RIMS1: variants seen among roughly 807,000 people sequenced by gnomAD.
The protein encoded by RIMS1 is regulating synaptic membrane exocytosis 1.
In RIMS1, 83 loss-of-function variants were observed where a neutral mutation model predicts 214.1. The ratio of observed to expected loss-of-function variants is 0.39; its 90% confidence interval spans 0.32 to 0.47. The LOEUF (loss-of-function observed/expected upper bound fraction) is 0.47. Ranked by LOEUF, RIMS1 falls within the 20% of genes least tolerant of loss-of-function variation. The pLI is 0.99. For synonymous variants in RIMS1, 793 were observed against 786.8 expected (o/e 1.01, Z -0.13); for missense variants, 2,050 against 2,161.8 (o/e 0.95, Z 1.03).
At position 72,386,348 on chromosome 6, in the gene RIMS1, C is replaced by T. The variant is rs540371990; in HGVS notation, c.4367-4250C>T. 2.6e-3 allele frequency among the ~76,000 whole-genome samples: 398 copies of T among 152,346 alleles called. 3 individuals are homozygous for T. Among genetic ancestry groups the T allele is most frequent in the African/African-American group, 9.1e-3 (379 of 41,576 alleles). On this transcript the variant is annotated intron_variant, in intron 29 of 33. Transcript: ENST00000521978. ...AGTCAGTTATTGACAGTCTGCACTT[C>T]ACCGTCATCTGGACTGCCAGCAACA...
At chr6:72,270,640 T>G (rs1398606409) in intron 22 of RIMS1, among the ~76,000 whole-genome samples, 1 of 152,188 alleles carries the variant, frequency 6.6e-6, no homozygotes, top group Non-Finnish European at 1.5e-5. Flanking sequence ...TAATAACTAA[T>G]CCCAGAATCA....
chr6:72,153,888 C>A (rs893539396), intron 4 of RIMS1, among the ~76,000 whole-genome samples: 10 of 152,012 alleles, frequency 6.6e-5, no homozygotes, highest in African/African-American at 2.4e-4. Context: ...ATTTTAAAAA[C>A]GTACAAAATA....
chr6:72,283,961 T>A, intron 23 of RIMS1, 86 bp from the exon 24 acceptor site: 1 of 1,103,880 alleles, frequency 9.1e-7, no homozygotes, highest in Non-Finnish European at 1.4e-6. Flanking sequence ...TAGTTGCCAT[T>A]TTTCATGTCT....
At chr6:72,028,818 T>C (rs1817271608) in intron 2 of RIMS1, among the ~76,000 whole-genome samples, 1 of 152,220 alleles carries the variant, frequency 6.6e-6, no homozygotes, top group South Asian at 2.1e-4. Context: ...AAAGTCTGTG[T>C]AAAGATGGAG....
intron 2 of RIMS1, among the ~76,000 whole-genome samples, chr6:72,041,094 G>T (rs1821311564): frequency 1.3e-5 from 2 of 151,856 alleles, no homozygotes; most frequent in Non-Finnish European, 2.9e-5. Context: ...GTGTATGTGT[G>T]TATGCACATA....
chr6:72,245,545 A>C (rs1005622040), intron 10 of RIMS1, among the ~76,000 whole-genome samples: 5 of 152,254 alleles, frequency 3.3e-5, no homozygotes, highest in Admixed American at 1.3e-4. Context: ...TGGTAGTAAA[A>C]ATATTGTGGT....
At chr6:71,959,571 A>G (rs1211001162) in intron 1 of RIMS1, among the ~76,000 whole-genome samples, 2 of 151,928 alleles carry the variant, frequency 1.3e-5, no homozygotes, top group African/African-American at 2.4e-5. Context: ...AATGGCATCA[A>G]TTTCCCCCTC....
chr6:72,080,024 G>A (rs888305995), intron 2 of RIMS1, among the ~76,000 whole-genome samples: 1 of 139,814 alleles, frequency 7.2e-6, no homozygotes, highest in Admixed American at 7.8e-5. Flanking sequence ...ATCACTTGAG[G>A]TCAGGAGTTC....
At chr6:72,353,363 A>G (rs1159290935) in intron 29 of RIMS1, among the ~76,000 whole-genome samples, 1 of 152,094 alleles carries the variant, frequency 6.6e-6, no homozygotes, top group Non-Finnish European at 1.5e-5. Flanking sequence ...TGCACTGACA[A>G]TGTAATTTGA....
At chr6:72,025,663 A>G (rs1816203471) in intron 2 of RIMS1, among the ~76,000 whole-genome samples, 2 of 152,124 alleles carry the variant, frequency 1.3e-5, no homozygotes, top group Non-Finnish European at 1.5e-5. Flanking sequence ...CTAGTTATCT[A>G]TTGCTTCACT....
chr6:72,122,937 T>G (rs957026508), intron 4 of RIMS1, among the ~76,000 whole-genome samples: 1 of 151,912 alleles, frequency 6.6e-6, no homozygotes, highest in African/African-American at 2.4e-5. Context: ...CTGGATTCAT[T>G]GATTTTTTGA....
At chr6:72,153,020 GT>G (rs2043924009) in intron 4 of RIMS1, among the ~76,000 whole-genome samples, 1 of 137,656 alleles carries the variant, frequency 7.3e-6, no homozygotes, top group Non-Finnish European at 1.6e-5. Context: ...ATATATATGT[GT>G]GTGTGTATAT....
chr6:72,101,906 A>G (rs573089089), intron 4 of RIMS1, among the ~76,000 whole-genome samples: 2 of 152,146 alleles, frequency 1.3e-5, no homozygotes, highest in Admixed American at 6.6e-5. Flanking sequence ...AATTGCTGTC[A>G]TAAAGAATGA....
At chr6:72,038,118 A>AT (rs1326074998) in intron 2 of RIMS1, among the ~76,000 whole-genome samples, 3 of 13,416 alleles carry the variant, frequency 2.2e-4, no homozygotes, top group African/African-American at 3.3e-4. Flanking sequence ...AAAAAAAAAA[A>AT]ATATATATAT....
rs1562045904 is a variant in RIMS1 at position 71,990,886 on chromosome 6, A to G, written c.245+21823A>G. On this transcript the variant is annotated intron_variant, in intron 2 of 33. Coordinates refer to ENST00000521978, the MANE Select transcript of RIMS1 (RefSeq NM_014989.7). Reference sequence around the variant, plus strand: ...AGTTTGATAGTGGTATTCTCAAATAATATCATCTATTGATAATAGCAGACC... The same window carrying G: ...AGTTTGATAGTGGTATTCTCAAATAGTATCATCTATTGATAATAGCAGACC... 5.9e-5 allele frequency among the ~76,000 whole-genome samples: 9 copies of G among 152,202 alleles called. No homozygotes were observed. In the South Asian group the frequency reaches 1.2e-3, roughly 21 times the overall value.
At chr6:72,208,010 A>C (rs1267042700) in intron 6 of RIMS1, among the ~76,000 whole-genome samples, 1 of 152,202 alleles carries the variant, frequency 6.6e-6, no homozygotes, top group African/African-American at 2.4e-5. Context: ...TAAACCACAC[A>C]GGGCCATGAG....
chr6:72,332,820 T>C (rs1264520768), intron 28 of RIMS1, among the ~76,000 whole-genome samples: 1 of 151,776 alleles, frequency 6.6e-6, no homozygotes, highest in Non-Finnish European at 1.5e-5. Flanking sequence ...ATAAAATAAT[T>C]AACAATAATA....
chr6:71,997,967 T>C (rs952005606), intron 2 of RIMS1, among the ~76,000 whole-genome samples: 5 of 151,948 alleles, frequency 3.3e-5, no homozygotes, highest in Non-Finnish European at 7.4e-5. Flanking sequence ...TTGAAGGAAG[T>C]TGTCCAGCAT....
chr6:71,902,494 C>G (rs577406030), intron 1 of RIMS1, among the ~76,000 whole-genome samples: 349 of 152,146 alleles, frequency 2.3e-3, no homozygotes, highest in African/African-American at 8.2e-3. Context: ...ATTGTGAAAC[C>G]TGGGTCAACA....
Sources: allele counts gnomAD v4.1 joint callset (sites outside exome capture counted in the v4.1 genomes callset), GRCh38; gene constraint gnomAD v4.1.1; transcripts MANE v1.5; gene names NCBI Gene and HGNC (gene_info 2026-07-23, HGNC 2026-07-21).